Variants in ENOSF1 observed in about 807,000 individuals in gnomAD.
ENOSF1 encodes mitochondrial enolase superfamily member 1.
Under a neutral mutation model 68.2 loss-of-function variants are expected in ENOSF1, and 73 were observed. The ratio of observed to expected loss-of-function variants is 1.07; its 90% CI spans 0.89 to 1.30. The LOEUF is 1.30. Ranked by LOEUF, ENOSF1 falls within the 50% of genes most tolerant of loss-of-function variation. The probability of loss-of-function intolerance (pLI) is 0.00; values close to 1 mark genes in which losing one functional copy is unlikely to be tolerated. For synonymous variants in ENOSF1, 223 were observed against 210.4 expected (o/e 1.06, Z -0.52); for missense variants, 589 against 554.5 (o/e 1.06, Z -0.62).
At chr18:701,895 G>A (rs2145335011) in intron 2 of ENOSF1, among the ~76,000 whole-genome samples, 1 of 151,902 alleles carries the variant, frequency 6.6e-6, no homozygotes, top group South Asian at 2.1e-4. Context: ...ACTCCAGCCT[G>A]GGCAACAGAG....
chr18:707,611 G>C (rs1013777637), intron 1 of ENOSF1: 2 of 152,140 alleles, frequency 1.3e-5, no homozygotes, highest in Non-Finnish European at 2.9e-5. Flanking sequence ...CAAAAAGCCA[G>C]GCAGAAGATG....
chr18:673,094 T>A lies in ENOSF1; in HGVS notation c.*1211A>T. ...TTTTTGCTCTAAAAGAAAAAGGAACTAGGTCAAAAATCTGTCCGTGACCTA... is the reference window on the plus strand; with the variant it reads ...TTTTTGCTCTAAAAGAAAAAGGAACAAGGTCAAAAATCTGTCCGTGACCTA... On this transcript the variant is annotated 3_prime_UTR_variant, in exon 16 of 16. Transcript: ENST00000647584. 1 of 1,336,698 alleles carries A rather than the reference T, an allele frequency of 7.5e-7. No homozygotes were observed. The highest frequency in any genetic ancestry group is 1.0e-6 in the Non-Finnish European group (1 of 1,000,256). The allele number at this position is 1,336,698 out of a possible 1,614,324, so 82.8% of individuals were successfully genotyped here.
chr18:709,246 A>G (rs990445105), intron 1 of ENOSF1, among the ~76,000 whole-genome samples: 1 of 152,152 alleles, frequency 6.6e-6, no homozygotes, highest in Non-Finnish European at 1.5e-5. Flanking sequence ...GAGGGTCTTC[A>G]TGGGAGTGTG....
intron 15 of ENOSF1, 117 bp from the exon 16 acceptor site, chr18:674,523 A>T (rs534484467): frequency 3.4e-3 from 1,861 of 554,674 alleles, no homozygotes; most frequent in Non-Finnish European, 4.2e-3. Flanking sequence ...CAATTAATTA[A>T]TTTTTTTTTT....
chr18:678,582 C>A, intron 12 of ENOSF1, 114 bp downstream of exon 12: 1 of 1,039,174 alleles, frequency 9.6e-7, no homozygotes, highest in African/African-American at 1.6e-5. Flanking sequence ...TGAAAATTTC[C>A]CAACTCAAAG....
intron 11 of ENOSF1, 102 bp downstream of exon 11, chr18:683,144 T>C (rs867156190): frequency 7.1e-7 from 1 of 1,407,362 alleles, no homozygotes; most frequent in Non-Finnish European, 9.7e-7. Context: ...CAACAGGAAA[T>C]GCAAGAGGGA....
rs1429745061 is a variant in ENOSF1 at position 672,665 on chromosome 18, T to TCTCG, written c.*1636_*1639dup. ...TGTAATGTCACAAAATACCCCTCAC[T>TCTCG]CTCGATCTGTGCAAGAGAACAGCTG... On this transcript the variant is annotated 3_prime_UTR_variant, in exon 16 of 16. Transcript: ENST00000647584. The TCTCG allele has an allele frequency of 1.5e-5, 7 of 468,166 alleles. No homozygotes were observed. The highest frequency in any genetic ancestry group is 1.3e-4 in the African/African-American group (7 of 52,056). 29.0% of individuals were successfully genotyped at this position (468,166 alleles called of 1,614,324 possible). A position where few individuals can be genotyped will look rare whatever the true frequency, so the allele number is the denominator to read the frequency against.
At chr18:668,996 A>T (rs2074922065), downstream of ENOSF1, 10 of 1,242,146 alleles carry the variant, frequency 8.1e-6, no homozygotes, top group African/African-American at 3.0e-5. Context: ...AGACTGTAAT[A>T]GATGACCTCT....
At chr18:696,462 T>G (rs1236608295) in intron 3 of ENOSF1, among the ~76,000 whole-genome samples, 1 of 151,906 alleles carries the variant, frequency 6.6e-6, no homozygotes. Context: ...CTGCCTGCCT[T>G]GGCCTCCCAA....
At chr18:667,617 G>GGCGATGGCGATGGCGATGGAGATGGAGAT (rs201838394), downstream of ENOSF1, 4 of 46,656 alleles carry the variant, frequency 8.6e-5, 1 homozygote, top group African/African-American at 5.5e-4. Flanking sequence ...TGATGGAGAT[G>GGCGATGGCGATGGCGATGGAGATGGAGAT]GGTGATGGTG....
chr18:695,089 T>C (rs915201177), intron 3 of ENOSF1, among the ~76,000 whole-genome samples: 1 of 152,256 alleles, frequency 6.6e-6, no homozygotes, highest in Non-Finnish European at 1.5e-5. Flanking sequence ...TATTTTATTT[T>C]ACCCTAATCC....
chr18:711,635 T>G (rs1368430669), intron 1 of ENOSF1, among the ~76,000 whole-genome samples: 2 of 152,180 alleles, frequency 1.3e-5, no homozygotes, highest in African/African-American at 2.4e-5. Context: ...GAAACACCGC[T>G]CTAGACGGGG....
chr18:684,846 A>G (rs570280072), intron 10 of ENOSF1, among the ~76,000 whole-genome samples: 27 of 150,024 alleles, frequency 1.8e-4, no homozygotes, highest in Admixed American at 1.1e-3. Context: ...AAACCAGAGG[A>G]CAGTATGCTC....
chr18:689,903 G>A (rs1034755977), intron 8 of ENOSF1, among the ~76,000 whole-genome samples: 8 of 150,772 alleles, frequency 5.3e-5, no homozygotes, highest in African/African-American at 2.0e-4. Flanking sequence ...GGAGGCGAGG[G>A]GGCTGAAGGC....
chr18:666,939 A>AGATGGAGATGGT (rs2074835776), downstream of ENOSF1, among the ~76,000 whole-genome samples: 1 of 28,110 alleles, frequency 3.6e-5, no homozygotes, highest in African/African-American at 1.7e-4. Context: ...ATGGTGATGG[A>AGATGGAGATGGT]GATGGTGATG....
chr18:685,975 A>G lies in ENOSF1; in HGVS notation c.687T>C (p.Asp229=). ...GGATGATTTGGCATCTTCGCATGTCATCCTGGAGATCAGCACCCACCTTTA... is the reference window on the plus strand; with the variant it reads ...GGATGATTTGGCATCTTCGCATGTCGTCCTGGAGATCAGCACCCACCTTTA... ...FKVKVGADLQ[D]DMRRCQIIRD... Residue 229 remains aspartate (D), a synonymous_variant, in exon 10 of 16, where the codon GAT becomes GAC. Transcript: ENST00000647584. The G allele has an allele frequency of 6.2e-7, 1 of 1,614,092 alleles. No homozygotes were observed. The highest frequency in any genetic ancestry group is 8.5e-7 in the Non-Finnish European group (1 of 1,180,016).
chr18:688,516 T>TA (rs1331090078), intron 9 of ENOSF1, 58 bp downstream of exon 9: 5 of 1,611,772 alleles, frequency 3.1e-6, no homozygotes, highest in African/African-American at 1.3e-5. Context: ...AGGAGAGACT[T>TA]ACTGCCTGAG....
intron 5 of ENOSF1, chr18:693,617 C>A (rs2077425176): frequency 2.0e-6 from 2 of 985,430 alleles, no homozygotes; most frequent in East Asian, 1.1e-4. Context: ...GCTCAGAGAA[C>A]TGGCACCGTG....
chr18:668,285 C>G (rs1236459052), downstream of ENOSF1, among the ~76,000 whole-genome samples: 1 of 152,072 alleles, frequency 6.6e-6, no homozygotes, highest in African/African-American at 2.4e-5. Flanking sequence ...GAGGACTTTC[C>G]TCCCAAAATT....
Sources: gnomAD v4.1 joint callset for allele counts (sites outside exome capture counted in the v4.1 genomes callset) on GRCh38, gnomAD v4.1.1 for gene constraint, MANE v1.5 for transcripts, NCBI Gene and HGNC (gene_info 2026-07-23, HGNC 2026-07-21) for gene names.